Variants in GCN1 observed in about 807,000 individuals in gnomAD.
GCN1 encodes GCN1 activator of EIF2AK4.
In GCN1, 90 loss-of-function variants were observed where a neutral mutation model predicts 288.4. The observed-to-expected ratio is 0.31, with a 90% CI of 0.26 to 0.37. GCN1 has a LOEUF of 0.37. Among genes scored for constraint, GCN1 ranks in the 10% least tolerant of loss-of-function variants. The probability of loss-of-function intolerance (pLI) is 1.00; values close to 1 mark genes in which losing one functional copy is unlikely to be tolerated. For synonymous variants in GCN1, 1,386 were observed against 1,420.2 expected (o/e 0.98, Z 0.54); for missense variants, 2,586 against 3,419.9 (o/e 0.76, Z 6.08).
chr12:120,178,947 C>G lies in GCN1; in HGVS notation c.430G>C (p.Glu144Gln). 6.2e-7 allele frequency: 1 copy of G among 1,612,694 alleles called. No homozygotes were observed. Among genetic ancestry groups the G allele is most frequent in the Non-Finnish European group, 8.5e-7 (1 of 1,179,444 alleles). The change falls in exon 6 of 58, where the codon GAA becomes CAA. Residue 144 changes from glutamate (E) to glutamine (Q), a missense_variant. Transcript: ENST00000300648. ...RQGDIWNKLV[E>Q]VQCLLLLEVL... is the part of the protein sequence containing the mutation. The stretch of plus-strand genomic sequence containing the variant: ...TCCAGCAAGAGCAGGCACTGCACTT[C>G]CACCTGCCAGGACCAGGGAAGACTC...
At position 120,156,338 on chromosome 12, in the gene GCN1, T is replaced by A; in HGVS notation, c.3312+123A>T. The A allele has an allele frequency of 1.1e-6, 1 of 896,082 alleles. No homozygotes were observed. The highest frequency in any genetic ancestry group is 2.5e-5 in the East Asian group (1 of 39,482). The allele number at this position is 896,082 out of a possible 1,614,324, so 55.5% of individuals were successfully genotyped here. On this transcript the variant is annotated intron_variant, in intron 28 of 57. Coordinates refer to ENST00000300648, the MANE Select transcript of GCN1 (RefSeq NM_006836.2). This position sits in a 1 kb window ranked among gnomAD's most constrained non-coding sequence, Gnocchi z 5.8. ...TCAGAGAGACCCCAACCATGTGACT[T>A]CTTCTCTTTGCCTCTAGGCCTCCCA...
At chr12:120,184,391 T>C (rs928365008) in intron 3 of GCN1, 148 bp from the exon 4 acceptor site, 3 of 689,988 alleles carry the variant, frequency 4.3e-6, no homozygotes, top group Admixed American at 3.0e-5. Flanking sequence ...AGGAAATAAC[T>C]AGATAAACTC....
At chr12:120,160,325 T>C in intron 22 of GCN1, 70 bp from the exon 23 acceptor site, 1 of 1,104,196 alleles carries the variant, frequency 9.1e-7, no homozygotes, top group East Asian at 2.4e-5. Context: ...CAGAGGAAGG[T>C]GAGCTTGCTT....
Position 120,175,794 on chromosome 12 carries a change from A to T in GCN1, c.994T>A (p.Ser332Thr). The T allele has an allele frequency of 6.2e-7, 1 of 1,613,382 alleles. No individual in the cohort carries two copies. Among genetic ancestry groups the T allele is most frequent in the African/African-American group, 1.3e-5 (1 of 75,022 alleles). Residue 332 changes from serine (S) to threonine (T), a missense_variant, in exon 11 of 58, where the codon TCT (serine) becomes ACT (threonine). This residue lies in a region of GCN1 where 913 missense variants were observed against 1,107.0 expected (regional missense o/e 0.82). Transcript: ENST00000300648. ...LRNLARQCSD[S>T]SAMESLTKHL... ...TTGGTCAGGGATTCCATGGCCGAAG[A>T]GTCACTGCACTGGCGTGCCAGGTTC... is the stretch of plus-strand genomic sequence containing the variant.
intron 56 of GCN1, among the ~76,000 whole-genome samples, chr12:120,130,313 G>A (rs999284040): frequency 1.3e-5 from 2 of 152,122 alleles, no homozygotes; most frequent in Admixed American, 1.3e-4. Context: ...GAGGAAGGAG[G>A]GAAAAGAGAG....
At chr12:120,173,877 A>C in intron 13 of GCN1, 51 bp from the exon 14 acceptor site, 6 of 1,495,958 alleles carry the variant, frequency 4.0e-6, no homozygotes, top group Non-Finnish European at 5.6e-6. Flanking sequence ...TAACCATGTC[A>C]AATCATTGCA....
intron 42 of GCN1, among the ~76,000 whole-genome samples, chr12:120,143,325 G>GT (rs750739082): frequency 1.3e-5 from 2 of 152,204 alleles, no homozygotes; most frequent in Non-Finnish European, 2.9e-5. Context: ...GCTCACGCCT[G>GT]TAATCTCAGC....
rs1877297451 is a variant in GCN1 at position 120,144,465 on chromosome 12, T to C, written c.5353-17A>G. On this transcript the variant is annotated splice_polypyrimidine_tract_variant and intron_variant, in intron 41 of 57. Transcript: ENST00000300648. This position sits in a 1 kb window ranked among gnomAD's most constrained non-coding sequence, Gnocchi z 4.7. Reference sequence around the variant, plus strand: ...AGCAAGAGCCTGGGCACACAGAGGGTGGGTCAGCCAGAGCTGCCACCCCCA... The same window carrying C: ...AGCAAGAGCCTGGGCACACAGAGGGCGGGTCAGCCAGAGCTGCCACCCCCA... 1 of 1,606,690 alleles carries C rather than the reference T, an allele frequency of 6.2e-7. No homozygotes were observed.
At chr12:120,180,239 G>A (rs553979199) in intron 5 of GCN1, among the ~76,000 whole-genome samples, 11 of 151,986 alleles carry the variant, frequency 7.2e-5, no homozygotes, top group South Asian at 2.1e-4. Context: ...CAGGAGAATC[G>A]CTTGAACCCA....
Position 120,156,558 on chromosome 12 carries a change from C to G in GCN1, c.3215G>C (p.Gly1072Ala). The change falls in exon 28 of 58, where the codon GGT (glycine) becomes GCT (alanine). Residue 1072 changes from glycine (G) to alanine (A), a missense_variant. This residue lies in a region of GCN1 where 153 missense variants were observed against 252.0 expected (regional missense o/e 0.61). Transcript: ENST00000300648. The surrounding 1 kb of genome is among the most constrained non-coding windows in gnomAD (Gnocchi z 5.8). ...CTCTGCAAAGGCACAGCCATCATCA[C>G]CACTGCTGCTGGCACACAGGGTGGT... ...TLTTLCASSS[G>A]DDGCAFAEQE... 6 of 1,613,584 alleles carry G rather than the reference C, an allele frequency of 3.7e-6. No individual in the cohort carries two copies. Among genetic ancestry groups the G allele is most frequent in the Non-Finnish European group, 5.1e-6 (6 of 1,179,546 alleles).
chr12:120,176,396 GCAAAAA>G (rs1878483052), intron 9 of GCN1, among the ~76,000 whole-genome samples, 179 bp from the exon 10 acceptor site: 1 of 152,152 alleles, frequency 6.6e-6, no homozygotes, highest in Non-Finnish European at 1.5e-5. Flanking sequence ...ATCCCGATCA[GCAAAAA>G]TTGCCTTTCC....
rs781665243 is a variant in GCN1, at chr12:120,155,554, G to C, written c.3440+38C>G. 1 of 1,612,708 alleles carries C rather than the reference G, an allele frequency of 6.2e-7. No individual in the cohort carries two copies. The highest frequency in any genetic ancestry group is 1.1e-5 in the South Asian group (1 of 91,024). ...TTCAGTTATTTCCTAAAGGAAGAGA[G>C]GATGCAGCAGGAGAAAGCGACATGC... On this transcript the variant is annotated intron_variant, in intron 29 of 57. Transcript: ENST00000300648. The surrounding 1 kb of genome is among the most constrained non-coding windows in gnomAD (Gnocchi z 4.9).
intron 15 of GCN1, among the ~76,000 whole-genome samples, chr12:120,168,875 C>T (rs995877976): frequency 3.3e-5 from 5 of 152,216 alleles, no homozygotes; most frequent in African/African-American, 1.2e-4. Context: ...TTAGCATTCC[C>T]CCAGGTAGCC....
At chr12:120,161,430 C>A in intron 22 of GCN1, 60 bp downstream of exon 22, 1 of 1,110,636 alleles carries the variant, frequency 9.0e-7, no homozygotes, top group South Asian at 1.3e-5. Flanking sequence ...TGGGAAAAGC[C>A]ACCAGCTTGA....
In GCN1 at chr12:120,156,658, G is replaced by A. The variant is rs941264976; in HGVS notation, c.3169-54C>T. The A allele has an allele frequency of 8.3e-6, 13 of 1,569,970 alleles. No individual in the cohort carries two copies. The highest frequency in any genetic ancestry group is 1.7e-4 in the Middle Eastern group (1 of 5,996). On this transcript the variant is annotated intron_variant, in intron 27 of 57. Transcript: ENST00000300648. The surrounding 1 kb of genome is among the most constrained non-coding windows in gnomAD (Gnocchi z 5.8). ...GTCAGCAACTCATTTACTACTAGGG[G>A]GCCAGAGAGGGATATGCACTGAGAA...
chr12:120,143,411 C>T (rs577639039), intron 42 of GCN1, among the ~76,000 whole-genome samples: 14 of 152,208 alleles, frequency 9.2e-5, no homozygotes, highest in Admixed American at 5.2e-4. Flanking sequence ...GGAGAAACCA[C>T]GCCTCTACTA....
chr12:120,154,268 C>A (rs759996350), intron 31 of GCN1, among the ~76,000 whole-genome samples: 1 of 152,230 alleles, frequency 6.6e-6, no homozygotes, highest in Non-Finnish European at 1.5e-5. Flanking sequence ...TGAACACATT[C>A]TCCAAGGGCA....
Position 120,137,229 on chromosome 12 carries a change from G to C in GCN1, c.6754C>G (p.Pro2252Ala), listed in dbSNP as rs1434316893. ...IGNESKGEHV[P>A]GFCLPKKGVT... Reference sequence around the variant, plus strand: ...ACCTTCTTCGGGAGGCAGAATCCTGGCACATGCTCGCCTTTGCTCTCGTTC... The same window carrying C: ...ACCTTCTTCGGGAGGCAGAATCCTGCCACATGCTCGCCTTTGCTCTCGTTC... Residue 2252 changes from proline to alanine, a missense_variant, in exon 50 of 58, where the codon CCA becomes GCA. Coordinates refer to ENST00000300648, the MANE Select transcript of GCN1 (RefSeq NM_006836.2). This position sits in a 1 kb window ranked among gnomAD's most constrained non-coding sequence, Gnocchi z 5.2. 8 of 1,613,932 alleles carry C rather than the reference G, an allele frequency of 5.0e-6. 1 individual carries two copies. The Admixed American group carries it at 1.3e-4, about 27-fold the overall frequency.
intron 10 of GCN1, 76 bp from the exon 11 acceptor site, chr12:120,175,950 C>T: frequency 6.6e-7 from 1 of 1,523,020 alleles, no homozygotes; most frequent in Non-Finnish European, 9.0e-7. Context: ...TTTTCCATGC[C>T]CCCATCTCTT....
Sources: allele counts gnomAD v4.1 joint callset (sites outside exome capture counted in the v4.1 genomes callset), GRCh38; gene constraint gnomAD v4.1.1; regional missense constraint gnomAD v4.1.1; non-coding constraint Gnocchi (gnomAD v3.1); transcripts MANE v1.5; gene names NCBI Gene and HGNC (gene_info 2026-07-23, HGNC 2026-07-21).